SEM1: variants seen among roughly 807,000 people sequenced by gnomAD.
The protein encoded by SEM1 is 26S proteasome complex subunit SEM1.
A neutral mutation model predicts 12.7 loss-of-function variants in SEM1; 3 were observed. The observed-to-expected ratio is 0.24, with a 90% CI of 0.11 to 0.61. The LOEUF (loss-of-function observed/expected upper bound fraction) is 0.61, where lower values mean the gene tolerates loss of function less well. Ranked by LOEUF, SEM1 falls within the 20% of genes least tolerant of loss-of-function variation. The probability of loss-of-function intolerance (pLI) is 0.88; values close to 1 mark genes in which losing one functional copy is unlikely to be tolerated. For synonymous variants in SEM1, 30 were observed against 27.8 expected (o/e 1.08, Z -0.25); for missense variants, 59 against 81.3 (o/e 0.73, Z 1.06).
rs184018670 is a variant in SEM1, at chr7:96,709,840, C to G, written c.-77G>C. ...TCACTCTTCCTCAAGGAAACGCCAC[C>G]GTCACTACCGCCTCCGACGCTGACG... On this transcript the variant is annotated 5_prime_UTR_variant, in exon 1 of 3. Coordinates refer to ENST00000248566, the MANE Select transcript of SEM1 (RefSeq NM_006304.2). 559 of 1,332,268 alleles carry G rather than the reference C, an allele frequency of 4.2e-4. 5 individuals are homozygous for G. In the African/African-American group the frequency reaches 7.4e-3, roughly 18 times the overall value. The allele number at this position is 1,332,268 out of a possible 1,614,324, so 82.5% of individuals were successfully genotyped here. A position where few individuals can be genotyped will look rare whatever the true frequency, so the allele number is the denominator to read the frequency against.
intron 2 of SEM1, among the ~76,000 whole-genome samples, chr7:96,633,664 A>C (rs1270631757): frequency 6.6e-6 from 1 of 152,104 alleles, no homozygotes; most frequent in Non-Finnish European, 1.5e-5. Context: ...TAATATAGTA[A>C]TCTATCTAAA....
At chr7:96,586,194 A>C (rs1283631497) in intron 2 of SEM1, among the ~76,000 whole-genome samples, 1 of 152,120 alleles carries the variant, frequency 6.6e-6, no homozygotes, top group Non-Finnish European at 1.5e-5. Context: ...TCAAGGAAAA[A>C]TACAGTGTAT....
rs1433135441 is a variant in SEM1 at position 96,531,271 on chromosome 7, T to TTGAAAA, written c.171-24579_171-24574dup. Among the ~76,000 whole-genome samples the TTGAAAA allele has an allele frequency of 7.2e-5, 11 of 151,982 alleles. 2 individuals are homozygous for TTGAAAA. The highest frequency in any genetic ancestry group is 2.7e-4 in the African/African-American group (11 of 41,500). ...TGAGATCAAGGCTCATGGCTTTACA[T>TTGAAAA]TGAAAATGCACAACAGGCCAGGTAC... On this transcript the variant is annotated intron_variant and NMD_transcript_variant, in intron 2 of 3. Transcript: ENST00000466986.
intron 2 of SEM1, chr7:96,484,975 A>G (rs769584256): frequency 1.7e-5 from 9 of 526,370 alleles, no homozygotes; most frequent in East Asian, 6.9e-5. Flanking sequence ...GAGACTGACA[A>G]AAAGCATTTA....
chr7:96,625,440 A>G (rs1287929755), intron 2 of SEM1, among the ~76,000 whole-genome samples: 2 of 152,202 alleles, frequency 1.3e-5, no homozygotes, highest in African/African-American at 2.4e-5. Context: ...ATGAAATGAC[A>G]TCCCTGCAGG....
At chr7:96,646,896 A>G (rs1198933796) in intron 2 of SEM1, among the ~76,000 whole-genome samples, 1 of 152,192 alleles carries the variant, frequency 6.6e-6, no homozygotes, top group Non-Finnish European at 1.5e-5. Context: ...TCAAAAATCA[A>G]TTGCCTAGGT....
At chr7:96,657,919 G>C (rs1318227650) in intron 2 of SEM1, among the ~76,000 whole-genome samples, 1 of 152,178 alleles carries the variant, frequency 6.6e-6, no homozygotes, top group African/African-American at 2.4e-5. Context: ...CCTTTGTGCA[G>C]AGGGCAGGTC....
chr7:96,709,396 G>C (rs941022851), intron 1 of SEM1, among the ~76,000 whole-genome samples: 8 of 152,198 alleles, frequency 5.3e-5, no homozygotes, highest in African/African-American at 1.9e-4. Context: ...TAACCCAGGT[G>C]AACAGTAAAT....
At chr7:96,652,538 C>A (rs1482213786) in intron 2 of SEM1, among the ~76,000 whole-genome samples, 1 of 151,608 alleles carries the variant, frequency 6.6e-6, no homozygotes, top group Admixed American at 6.6e-5. Context: ...ATAAATGATC[C>A]AATCCATTAT....
intron 2 of SEM1, among the ~76,000 whole-genome samples, chr7:96,594,397 A>T (rs757326622): frequency 6.7e-6 from 1 of 148,776 alleles, no homozygotes. Flanking sequence ...GAATATGAAA[A>T]CCCCCCCACC....
At chr7:96,706,570 CAAAAAAA>C (rs67892273) in intron 1 of SEM1, among the ~76,000 whole-genome samples, 41 of 78,068 alleles carry the variant, frequency 5.3e-4, no homozygotes, top group African/African-American at 2.0e-3. Context: ...CTCAAACAAA[CAAAAAAA>C]AAAAAAAAAA....
At chr7:96,597,383 G>C (rs1807036096) in intron 2 of SEM1, among the ~76,000 whole-genome samples, 1 of 152,118 alleles carries the variant, frequency 6.6e-6, no homozygotes, top group South Asian at 2.1e-4. Context: ...GACATTCGTG[G>C]ATCACTGAGC....
intron 2 of SEM1, among the ~76,000 whole-genome samples, chr7:96,543,121 T>C (rs1419892365): frequency 6.6e-6 from 1 of 151,506 alleles, no homozygotes; most frequent in Non-Finnish European, 1.5e-5. Context: ...CTCTCCACAT[T>C]TGTGGGTTCC....
At chr7:96,593,637 G>GCATACA (rs1806905513) in intron 2 of SEM1, among the ~76,000 whole-genome samples, 1 of 151,978 alleles carries the variant, frequency 6.6e-6, no homozygotes, top group Non-Finnish European at 1.5e-5. Flanking sequence ...ATATCAAACT[G>GCATACA]CATACACAAA....
chr7:96,627,682 C>A (rs1240970645), intron 2 of SEM1, among the ~76,000 whole-genome samples: 1 of 152,108 alleles, frequency 6.6e-6, no homozygotes, highest in Non-Finnish European at 1.5e-5. Context: ...TGTTTTGTGA[C>A]CTAACATATG....
intron 1 of SEM1, among the ~76,000 whole-genome samples, chr7:96,700,241 G>C (rs1326622610): frequency 1.3e-5 from 2 of 152,156 alleles, no homozygotes; most frequent in South Asian, 4.1e-4. Flanking sequence ...TTTGTGGGAT[G>C]AGAGAGGTGA....
chr7:96,628,214 G>T, intron 2 of SEM1, among the ~76,000 whole-genome samples: 1 of 151,582 alleles, frequency 6.6e-6, no homozygotes, highest in East Asian at 1.9e-4. Flanking sequence ...TTTTCATTGG[G>T]TACATTTAGT....
chr7:96,610,863 C>T (rs1807519125), intron 2 of SEM1, among the ~76,000 whole-genome samples: 1 of 152,132 alleles, frequency 6.6e-6, no homozygotes, highest in Non-Finnish European at 1.5e-5. Context: ...AAATATGCTG[C>T]TTTGGTATAT....
intron 1 of SEM1, among the ~76,000 whole-genome samples, chr7:96,709,074 CAA>C (rs1209144245): frequency 1.3e-5 from 2 of 152,154 alleles, no homozygotes; most frequent in African/African-American, 4.8e-5. Context: ...CTCTTCCTCC[CAA>C]ACTGCTGCGA....
Sources: gnomAD v4.1 joint callset for allele counts (sites outside exome capture counted in the v4.1 genomes callset) on GRCh38, gnomAD v4.1.1 for gene constraint, MANE v1.5 for transcripts, NCBI Gene and HGNC (gene_info 2026-07-23, HGNC 2026-07-21) for gene names.